The following CSMD3 variants were observed in gnomAD, a reference collection of about 807,000 sequenced individuals.
CSMD3 encodes CUB and Sushi multiple domains 3.
Under a neutral mutation model 435.2 loss-of-function variants are expected in CSMD3, and 177 were observed. The ratio of observed to expected loss-of-function variants is 0.41; its 90% CI spans 0.36 to 0.46. The LOEUF (loss-of-function observed/expected upper bound fraction) is 0.46. Ranked by LOEUF, CSMD3 falls within the 20% of genes least tolerant of loss-of-function variation. The probability of loss-of-function intolerance (pLI) is 0.34; values close to 1 mark genes in which losing one functional copy is unlikely to be tolerated. For synonymous variants in CSMD3, 1,656 were observed against 1,520.5 expected, an observed-to-expected ratio of 1.09 and a Z score of -2.07; for missense variants, 4,265 against 4,504.6, an observed-to-expected ratio of 0.95 and a Z score of 1.52.
chr8:112,900,012 TTCTC>T (rs2082068269), intron 10 of CSMD3, among the ~76,000 whole-genome samples: 1 of 151,190 alleles, frequency 6.6e-6, no homozygotes. Flanking sequence ...GTAATTCCTT[TTCTC>T]TCTATTTTCT....
chr8:113,281,556 G>A (rs540230853), intron 2 of CSMD3, among the ~76,000 whole-genome samples: 1 of 151,748 alleles, frequency 6.6e-6, no homozygotes, highest in African/African-American at 2.4e-5. Flanking sequence ...GTCCTTATGT[G>A]TTAGGTGAGT....
intron 5 of CSMD3, among the ~76,000 whole-genome samples, chr8:113,085,307 A>C (rs2089721454): frequency 6.6e-6 from 1 of 152,176 alleles, no homozygotes; most frequent in African/African-American, 2.4e-5. Context: ...TGCTTGAGAA[A>C]AGGAAAGTCA....
chr8:112,927,220 C>G (rs571510583), intron 9 of CSMD3, among the ~76,000 whole-genome samples: 1 of 151,800 alleles, frequency 6.6e-6, no homozygotes, highest in Non-Finnish European at 1.5e-5. Context: ...TAAAATTGTA[C>G]AAGTACGTAT....
intron 32 of CSMD3, among the ~76,000 whole-genome samples, chr8:112,418,776 C>T (rs1306760041): frequency 6.6e-6 from 1 of 152,080 alleles, no homozygotes; most frequent in Non-Finnish European, 1.5e-5. Flanking sequence ...AATTAAATAT[C>T]CCTAATCCCA....
intron 3 of CSMD3, among the ~76,000 whole-genome samples, chr8:113,188,230 CTCTG>C (rs1400410543): frequency 6.6e-6 from 1 of 151,884 alleles, no homozygotes; most frequent in Non-Finnish European, 1.5e-5. Context: ...TTTGTAAATG[CTCTG>C]TCTATTCAAT....
chr8:113,310,853 AAATAT>A (rs1030858658), intron 2 of CSMD3: 123 of 152,038 alleles, frequency 8.1e-4, no homozygotes, highest in Middle Eastern at 6.8e-3. Context: ...GAAAAAACAA[AAATAT>A]AATAGAATGA....
chr8:113,238,223 C>A (rs936731279), intron 3 of CSMD3, among the ~76,000 whole-genome samples: 1 of 151,918 alleles, frequency 6.6e-6, no homozygotes. Flanking sequence ...AAATACACAC[C>A]ATTGTAGGTT....
At chr8:113,227,588 G>A (rs2093041917) in intron 3 of CSMD3, among the ~76,000 whole-genome samples, 1 of 151,562 alleles carries the variant, frequency 6.6e-6, no homozygotes, top group Non-Finnish European at 1.5e-5. Context: ...TCATGGAAGT[G>A]GTTTTCCCCA....
rs373838246 is a variant in CSMD3, at chr8:112,313,978, C to T, written c.7624G>A (p.Gly2542Ser). Residue 2542 changes from glycine (G) to serine (S), a missense_variant, in exon 49 of 71, where the codon GGT (glycine) becomes AGT (serine). Coordinates refer to ENST00000297405, the MANE Select transcript of CSMD3 (RefSeq NM_198123.2). ...GACCACTGAAGAAATACTTCATGAC[C>T]ATTGCTTGTTATATTAAAAGCAGAT... ...YSSAFNITSN[G>S]HEVFLQWSAD... The T allele has an allele frequency of 6.8e-6, 11 of 1,610,740 alleles. No homozygotes were observed. The African/African-American group carries it at 1.5e-4, about 22-fold the overall frequency.
intron 3 of CSMD3, among the ~76,000 whole-genome samples, chr8:113,210,715 T>C (rs1300653657): frequency 2.0e-5 from 3 of 151,718 alleles, no homozygotes; most frequent in Non-Finnish European, 4.4e-5. Context: ...CCGTCCCTAC[T>C]GAAAATACAA....
chr8:113,212,742 G>T (rs556329379), intron 3 of CSMD3, among the ~76,000 whole-genome samples: 1 of 151,804 alleles, frequency 6.6e-6, no homozygotes, highest in South Asian at 2.1e-4. Flanking sequence ...CTGTTGTGGG[G>T]TGGGGGAAGG....
At chr8:112,475,476 C>T (rs765192567) in intron 31 of CSMD3, among the ~76,000 whole-genome samples, 22 of 151,918 alleles carry the variant, frequency 1.4e-4, no homozygotes, top group African/African-American at 2.7e-4. Context: ...GTGCCTACAG[C>T]GTGGCCTAAT....
chr8:112,309,112 T>G (rs1179380128), intron 50 of CSMD3, among the ~76,000 whole-genome samples: 1 of 151,984 alleles, frequency 6.6e-6, no homozygotes, highest in Non-Finnish European at 1.5e-5. Flanking sequence ...TATTTCAACT[T>G]TCTTATTTGA....
chr8:113,059,378 C>G (rs1325312119), intron 5 of CSMD3, among the ~76,000 whole-genome samples: 4 of 152,046 alleles, frequency 2.6e-5, no homozygotes, highest in African/African-American at 9.7e-5. Flanking sequence ...TTCACAGTAC[C>G]TTGATAACAG....
chr8:113,168,985 G>A (rs963191251), intron 4 of CSMD3, among the ~76,000 whole-genome samples: 1 of 152,022 alleles, frequency 6.6e-6, no homozygotes, highest in Non-Finnish European at 1.5e-5. Context: ...CTACTTCTTT[G>A]GAGGAATTTT....
chr8:112,890,230 T>C (rs2130316719), intron 10 of CSMD3, among the ~76,000 whole-genome samples: 1 of 151,746 alleles, frequency 6.6e-6, no homozygotes, highest in South Asian at 2.1e-4. Context: ...TACCATGTGG[T>C]TAAATTGCCA....
intron 16 of CSMD3, among the ~76,000 whole-genome samples, chr8:112,676,320 T>C (rs1322235259): frequency 6.6e-6 from 1 of 152,014 alleles, no homozygotes; most frequent in Admixed American, 6.6e-5. Flanking sequence ...GAGCAGAACA[T>C]ATCCAAAATG....
Position 113,436,814 on chromosome 8 carries a change from G to T in CSMD3, c.41C>A (p.Ser14Tyr), listed in dbSNP as rs1296819368. 3.7e-6 allele frequency: 6 copies of T among 1,614,034 alleles called. No individual in the cohort carries two copies. Among genetic ancestry groups the T allele is most frequent in the African/African-American group, 2.7e-5 (2 of 74,906 alleles). Residue 14 changes from serine to tyrosine, a missense_variant, in exon 1 of 71, where the codon TCC (serine) becomes TAC (tyrosine). Ser to Tyr is a moderately radical substitution (Grantham distance 144, BLOSUM62 -2). Around this residue, in one of 3 missense-constraint regions of CSMD3, gnomAD observed 731 missense variants for 755.4 expected, o/e 0.97. Coordinates refer to ENST00000297405, the MANE Select transcript of CSMD3 (RefSeq NM_198123.2). ...TCGCTTGCCAGGCTCCCAGGGTTTG[G>T]ATTCCTTTGCTCGGCTTTCCCCTTT... ...IRKGESRAKE[S>Y]KPWEPGKRRC...
intron 22 of CSMD3, among the ~76,000 whole-genome samples, chr8:112,615,994 T>A (rs572762546): frequency 6.6e-6 from 1 of 152,276 alleles, no homozygotes; most frequent in South Asian, 2.1e-4. Context: ...AGCTTCTTTG[T>A]GCCACCATCG....
Sources: gnomAD v4.1 joint callset for allele counts (sites outside exome capture counted in the v4.1 genomes callset) on GRCh38, gnomAD v4.1.1 for gene constraint, gnomAD v4.1.1 regional missense constraint, MANE v1.5 for transcripts, NCBI Gene and HGNC (gene_info 2026-07-23, HGNC 2026-07-21) for gene names.